CEP70: variants seen among roughly 807,000 people sequenced by gnomAD.
CEP70 encodes the protein centrosomal protein 70.
A neutral mutation model predicts 90.9 loss-of-function variants in CEP70; 70 were observed. That is an observed-to-expected ratio of 0.77 (90% CI 0.64 to 0.94). The LOEUF is 0.94. Ranked by LOEUF, CEP70 falls within the 40% of genes least tolerant of loss-of-function variation. CEP70 has a pLI of 0.00. For synonymous variants in CEP70, 220 were observed against 228.3 expected (o/e 0.96, Z 0.33); for missense variants, 648 against 669.0 (o/e 0.97, Z 0.35).
intron 17 of CEP70, chr3:138,496,344 A>T: frequency 1.0e-6 from 1 of 985,380 alleles, no homozygotes; most frequent in Non-Finnish European, 1.2e-6. Context: ...TTCAGTCAGA[A>T]TACTTGTCTG....
At chr3:138,560,340 C>T (rs1468066888) in intron 6 of CEP70, among the ~76,000 whole-genome samples, 4 of 152,210 alleles carry the variant, frequency 2.6e-5, no homozygotes, top group African/African-American at 2.4e-5. Context: ...CCAGATACTG[C>T]GCTTTTCCCA....
At chr3:138,556,069 C>A (rs13067864) in intron 6 of CEP70, among the ~76,000 whole-genome samples, 1 of 152,040 alleles carries the variant, frequency 6.6e-6, no homozygotes, top group African/African-American at 2.4e-5. Flanking sequence ...TATACATACA[C>A]GATGGAATAC....
chr3:138,593,284 G>T (rs2042476614), intron 1 of CEP70, among the ~76,000 whole-genome samples: 2 of 152,148 alleles, frequency 1.3e-5, no homozygotes, highest in Non-Finnish European at 2.9e-5. Context: ...GTGCAGTGGC[G>T]CGATCTCGGC....
chr3:138,566,037 A>G (rs1225039849), intron 6 of CEP70, among the ~76,000 whole-genome samples: 2 of 152,252 alleles, frequency 1.3e-5, no homozygotes, highest in Admixed American at 6.5e-5. Context: ...ACACTTGTCA[A>G]AAGAAGACAT....
At chr3:138,527,053 C>T (rs1361613088) in intron 10 of CEP70, among the ~76,000 whole-genome samples, 3 of 152,134 alleles carry the variant, frequency 2.0e-5, no homozygotes, top group African/African-American at 4.8e-5. Context: ...TATAAGAAGT[C>T]TAGGAAATAT....
At chr3:138,547,267 C>G (rs1236955063) in intron 6 of CEP70, among the ~76,000 whole-genome samples, 1 of 152,186 alleles carries the variant, frequency 6.6e-6, no homozygotes, top group African/African-American at 2.4e-5. Context: ...AGTAGTCCTC[C>G]TTATCCATGG....
At chr3:138,590,840 A>C (rs547693239) in intron 2 of CEP70, among the ~76,000 whole-genome samples, 1 of 152,020 alleles carries the variant, frequency 6.6e-6, no homozygotes, top group Non-Finnish European at 1.5e-5. Flanking sequence ...AAAACAGGGA[A>C]GTGATTACTA....
At chr3:138,540,968 T>C (rs1318709033) in intron 6 of CEP70, among the ~76,000 whole-genome samples, 1 of 152,198 alleles carries the variant, frequency 6.6e-6, no homozygotes, top group Non-Finnish European at 1.5e-5. Flanking sequence ...TGAACGGCAT[T>C]ATCCTTAGCA....
chr3:138,557,776 C>A (rs564980621), intron 6 of CEP70, among the ~76,000 whole-genome samples: 3 of 152,086 alleles, frequency 2.0e-5, no homozygotes, highest in African/African-American at 7.2e-5. Context: ...AACCAAATAC[C>A]ACCTGTTACC....
chr3:138,514,150 G>A (rs1217732496), intron 11 of CEP70, among the ~76,000 whole-genome samples: 1 of 152,072 alleles, frequency 6.6e-6, no homozygotes, highest in Non-Finnish European at 1.5e-5. Flanking sequence ...GTCTTTCTTG[G>A]GGGCTTTGGA....
intron 6 of CEP70, among the ~76,000 whole-genome samples, chr3:138,551,614 C>T (rs1032511341): frequency 6.6e-6 from 1 of 151,790 alleles, no homozygotes; most frequent in Non-Finnish European, 1.5e-5. Flanking sequence ...GGCATGTTGG[C>T]GTGTGTCTGT....
intron 2 of CEP70, among the ~76,000 whole-genome samples, chr3:138,575,209 A>G (rs1027457003): frequency 3.3e-5 from 5 of 152,194 alleles, no homozygotes; most frequent in Non-Finnish European, 7.3e-5. Context: ...CCTTGAAAAA[A>G]GATTAGATGA....
intron 11 of CEP70, among the ~76,000 whole-genome samples, chr3:138,525,272 G>T (rs1260072211): frequency 2.0e-5 from 3 of 152,004 alleles, no homozygotes; most frequent in East Asian, 1.9e-4. Context: ...TATGGGGTGG[G>T]GGGAGTGGGG....
chr3:138,560,647 G>C (rs2040339875), intron 6 of CEP70, among the ~76,000 whole-genome samples: 1 of 152,132 alleles, frequency 6.6e-6, no homozygotes, highest in Non-Finnish European at 1.5e-5. Flanking sequence ...TGCCAGCGCA[G>C]CAGTCTGAGG....
At chr3:138,523,026 A>G (rs2036830218) in intron 11 of CEP70, among the ~76,000 whole-genome samples, 1 of 152,214 alleles carries the variant, frequency 6.6e-6, no homozygotes, top group Non-Finnish European at 1.5e-5. Context: ...CTTATCCACC[A>G]TAGTCAAGTG....
chr3:138,525,429 A>C (rs2037125495), intron 11 of CEP70, 61 bp downstream of exon 11: 5 of 596,400 alleles, frequency 8.4e-6, no homozygotes, highest in Non-Finnish European at 1.3e-5. Context: ...TAAAAATAAA[A>C]ATAAATAAAT....
intron 2 of CEP70, among the ~76,000 whole-genome samples, chr3:138,579,048 C>T (rs942088538): frequency 1.3e-5 from 2 of 152,046 alleles, no homozygotes; most frequent in Non-Finnish European, 1.5e-5. Context: ...AGCCATGTGG[C>T]GCAGAGAGAG....
intron 6 of CEP70, among the ~76,000 whole-genome samples, chr3:138,566,802 A>AGT (rs1476350104): frequency 1.3e-5 from 2 of 148,364 alleles, no homozygotes; most frequent in East Asian, 4.7e-4. Flanking sequence ...CAGAACTTAA[A>AGT]GTATATATAT....
rs1185563512 is a variant in CEP70, at chr3:138,529,184, T to A, written c.869+15A>T. 19 of 1,460,434 alleles carry A rather than the reference T, an allele frequency of 1.3e-5. No homozygotes were observed. Among genetic ancestry groups the A allele is most frequent in the African/African-American group, 2.9e-5 (2 of 68,878 alleles). The allele number at this position is 1,460,434 out of a possible 1,614,324, so 90.5% of individuals were successfully genotyped here. On this transcript the variant is annotated intron_variant, in intron 10 of 17. Transcript: ENST00000264982. The stretch of plus-strand genomic sequence containing the variant: ...TGTCTCAGGAAAAAAAAAAAAAAAA[T>A]TAAGTTTCTCTCACCTGGTTTCCAA...
Sources: gnomAD v4.1 joint callset for allele counts (sites outside exome capture counted in the v4.1 genomes callset) on GRCh38, gnomAD v4.1.1 for gene constraint, MANE v1.5 for transcripts, NCBI Gene and HGNC (gene_info 2026-07-23, HGNC 2026-07-21) for gene names.